The following MALRD1 variants were observed in gnomAD, a reference collection of about 807,000 sequenced individuals.
MALRD1 encodes MAM and LDL-receptor class A domain-containing protein 1.
Under a neutral mutation model 242.1 loss-of-function variants are expected in MALRD1, and 247 were observed. The observed-to-expected ratio is 1.02, with a 90% CI of 0.92 to 1.13. The LOEUF (loss-of-function observed/expected upper bound fraction) is 1.13, where lower values mean the gene tolerates loss of function less well. Ranked by LOEUF, MALRD1 falls within the 50% of genes most tolerant of loss-of-function variation. MALRD1 has a pLI of 0.00. For missense variants in MALRD1, 2,989 were observed against 2,533.1 expected (o/e 1.18, Z -3.86); for synonymous variants, 995 against 866.6 (o/e 1.15, Z -2.60).
chr10:19,086,747 A>T (rs1835681050), intron 2 of MALRD1, among the ~76,000 whole-genome samples: 1 of 152,106 alleles, frequency 6.6e-6, no homozygotes, highest in South Asian at 2.1e-4. Context: ...AATGAACCTG[A>T]GAGGGGCCTC....
intron 39 of MALRD1, 86 bp downstream of exon 39, chr10:19,730,867 C>T (rs193223365): frequency 1.8e-5 from 22 of 1,218,808 alleles, no homozygotes; most frequent in South Asian, 2.7e-5. Context: ...ACCAGTGTTG[C>T]TTGATCATGT....
intron 38 of MALRD1, among the ~76,000 whole-genome samples, chr10:19,711,524 A>G (rs1461599530): frequency 6.6e-6 from 1 of 152,234 alleles, no homozygotes; most frequent in Non-Finnish European, 1.5e-5. Context: ...GCACTGGAAA[A>G]GGAGAGACAG....
At chr10:19,693,488 G>C (rs2148615) in intron 38 of MALRD1, among the ~76,000 whole-genome samples, 1 of 152,124 alleles carries the variant, frequency 6.6e-6, no homozygotes, top group Non-Finnish European at 1.5e-5. Context: ...ACTTCAAAGA[G>C]AATAAAATGC....
intron 21 of MALRD1, among the ~76,000 whole-genome samples, chr10:19,309,136 G>C (rs1842331697): frequency 6.6e-6 from 1 of 151,388 alleles, no homozygotes; most frequent in Non-Finnish European, 1.5e-5. Context: ...AGTTTCTTTT[G>C]TTTTTATGCT....
At chr10:19,237,351 T>G (rs1838366434) in intron 18 of MALRD1, among the ~76,000 whole-genome samples, 1 of 150,864 alleles carries the variant, frequency 6.6e-6, no homozygotes. Context: ...ATTAACATTT[T>G]TTTTTTAAGA....
chr10:19,372,590 C>T (rs1845425098), intron 26 of MALRD1, among the ~76,000 whole-genome samples: 1 of 151,914 alleles, frequency 6.6e-6, no homozygotes, highest in Non-Finnish European at 1.5e-5. Context: ...GCCTTAGCCT[C>T]CCGAGTAGCT....
At chr10:19,127,028 T>A (rs1837304209) in intron 7 of MALRD1, among the ~76,000 whole-genome samples, 1 of 152,158 alleles carries the variant, frequency 6.6e-6, no homozygotes. Context: ...TGTTCCAGCA[T>A]TAGTTTGCTC....
At position 19,088,047 on chromosome 10, in the gene MALRD1, C is replaced by T. The variant is rs1418110918; in HGVS notation, c.459C>T (p.Cys153=). Residue 153 remains cysteine (C), a synonymous_variant, in exon 4 of 40, where the codon TGC becomes TGT. Transcript: ENST00000454679. Reference sequence around the variant, plus strand: ...AGATTACATTTTATTACTTCTCCTGCCAAGTGAGTGGCAAATTAATGGTTG... The same window carrying T: ...AGATTACATTTTATTACTTCTCCTGTCAAGTGAGTGGCAAATTAATGGTTG... ...DCQITFYYFS[C]QVSGKLMVGL... The T allele has an allele frequency of 4.9e-6, 6 of 1,233,360 alleles. No homozygotes were observed. The highest frequency in any genetic ancestry group is 3.1e-5 in the African/African-American group (2 of 64,430). The allele number at this position is 1,233,360 out of a possible 1,614,324, so 76.4% of individuals were successfully genotyped here.
intron 28 of MALRD1, among the ~76,000 whole-genome samples, chr10:19,412,708 A>G (rs920527905): frequency 1.3e-5 from 2 of 152,194 alleles, no homozygotes; most frequent in Non-Finnish European, 2.9e-5. Flanking sequence ...AATGTAAGAG[A>G]TAAGCCACCA....
intron 34 of MALRD1, among the ~76,000 whole-genome samples, chr10:19,605,674 T>C (rs541989378): frequency 6.6e-6 from 1 of 152,186 alleles, no homozygotes; most frequent in East Asian, 1.9e-4. Context: ...AATATTCTGG[T>C]CTTGACCTTC....
intron 19 of MALRD1, among the ~76,000 whole-genome samples, chr10:19,258,555 C>T (rs115676390): frequency 1.6e-3 from 247 of 152,240 alleles, no homozygotes; most frequent in African/African-American, 5.6e-3. Flanking sequence ...AACATTCATC[C>T]CTGCTCTATC....
At chr10:19,423,500 T>C (rs150018545) in intron 28 of MALRD1, among the ~76,000 whole-genome samples, 137 of 151,914 alleles carry the variant, frequency 9.0e-4, no homozygotes, top group African/African-American at 3.1e-3. Flanking sequence ...TCTAAGTGAA[T>C]GGTGATGGCA....
At chr10:19,411,140 A>G (rs1228343378) in intron 28 of MALRD1, among the ~76,000 whole-genome samples, 2 of 152,206 alleles carry the variant, frequency 1.3e-5, no homozygotes, top group Non-Finnish European at 2.9e-5. Context: ...AATATTATGT[A>G]GCAATTGTCC....
chr10:19,077,320 A>G (rs1259581153), intron 2 of MALRD1, among the ~76,000 whole-genome samples: 2 of 151,942 alleles, frequency 1.3e-5, no homozygotes, highest in East Asian at 3.9e-4. Flanking sequence ...AAAGCCTGGT[A>G]ATCTGTCACA....
chr10:19,609,902 A>C (rs981689003), intron 35 of MALRD1, among the ~76,000 whole-genome samples: 13 of 152,060 alleles, frequency 8.5e-5, no homozygotes, highest in Admixed American at 7.9e-4. Flanking sequence ...AAATTGTAGG[A>C]TGGGACATTA....
chr10:19,510,952 C>G (rs555111873), intron 31 of MALRD1, among the ~76,000 whole-genome samples: 9 of 152,230 alleles, frequency 5.9e-5, no homozygotes, highest in African/African-American at 2.2e-4. Context: ...GTAGACACTC[C>G]CCGCTGTTCA....
chr10:19,225,684 A>G (rs1446858683), intron 18 of MALRD1, among the ~76,000 whole-genome samples: 3 of 152,116 alleles, frequency 2.0e-5, no homozygotes, highest in Non-Finnish European at 4.4e-5. Flanking sequence ...AACTTCACCT[A>G]AAGTATAAGC....
At chr10:19,328,369 T>A (rs1457722326) in intron 23 of MALRD1, among the ~76,000 whole-genome samples, 1 of 152,120 alleles carries the variant, frequency 6.6e-6, no homozygotes, top group Non-Finnish European at 1.5e-5. Context: ...TTGTTAAAAT[T>A]TGAATAAGCA....
chr10:19,323,228 C>G (rs565326509), intron 21 of MALRD1, among the ~76,000 whole-genome samples: 5 of 152,088 alleles, frequency 3.3e-5, no homozygotes, highest in South Asian at 2.1e-4. Context: ...AAGCCCAGAC[C>G]GGTTTCCTGT....
Sources: gnomAD v4.1 joint callset for allele counts (sites outside exome capture counted in the v4.1 genomes callset) on GRCh38, gnomAD v4.1.1 for gene constraint, MANE v1.5 for transcripts, NCBI Gene and HGNC (gene_info 2026-07-23, HGNC 2026-07-21) for gene names.